JARID2: variants seen among roughly 807,000 people sequenced by gnomAD.
JARID2 encodes protein Jumonji.
In JARID2, 21 loss-of-function variants were observed where a neutral mutation model predicts 125.6. The observed-to-expected ratio is 0.17, with a 90% CI of 0.12 to 0.24. JARID2 has a LOEUF of 0.24. Ranked by LOEUF, JARID2 falls within the 10% of genes least tolerant of loss-of-function variation. The probability of loss-of-function intolerance (pLI) is 1.00; values close to 1 mark genes in which losing one functional copy is unlikely to be tolerated. For synonymous variants in JARID2, 736 were observed against 661.6 expected, an observed-to-expected ratio of 1.11 and a Z score of -1.73; for missense variants, 1,303 against 1,639.6, an observed-to-expected ratio of 0.79 and a Z score of 3.55.
intron 1 of JARID2, among the ~76,000 whole-genome samples, chr6:15,257,598 T>G (rs1470860581): frequency 6.6e-6 from 1 of 152,224 alleles, no homozygotes; most frequent in Non-Finnish European, 1.5e-5. Context: ...TGCACGTGTC[T>G]GTTTGCACTC....
chr6:15,281,036 G>A (rs1374756128), intron 1 of JARID2, among the ~76,000 whole-genome samples: 2 of 152,158 alleles, frequency 1.3e-5, no homozygotes, highest in Non-Finnish European at 2.9e-5. Context: ...ACACCGTGCC[G>A]TCATATGAGT....
chr6:15,502,789 C>T (rs1426015378), intron 8 of JARID2, among the ~76,000 whole-genome samples: 1 of 152,192 alleles, frequency 6.6e-6, no homozygotes, highest in Non-Finnish European at 1.5e-5. Flanking sequence ...GTCTGCTCTC[C>T]CATTGCCCAA....
intron 2 of JARID2, among the ~76,000 whole-genome samples, chr6:15,394,767 A>G (rs1178109515): frequency 6.6e-6 from 1 of 152,218 alleles, no homozygotes; most frequent in African/African-American, 2.4e-5. Flanking sequence ...AAAAGGGAAC[A>G]GCATGTGCAA....
At chr6:15,412,281 G>A (rs1765910354) in intron 3 of JARID2, among the ~76,000 whole-genome samples, 1 of 152,124 alleles carries the variant, frequency 6.6e-6, no homozygotes, top group African/African-American at 2.4e-5. Context: ...CTTCAAATGT[G>A]TAGTGTCATT....
intron 4 of JARID2, among the ~76,000 whole-genome samples, chr6:15,462,349 A>C (rs1413795978): frequency 6.6e-6 from 1 of 152,210 alleles, no homozygotes; most frequent in Non-Finnish European, 1.5e-5. Context: ...TTTGTCCCAA[A>C]GTCTTTTAGG....
chr6:15,434,480 A>C (rs1205203264), intron 3 of JARID2, among the ~76,000 whole-genome samples: 1 of 152,184 alleles, frequency 6.6e-6, no homozygotes, highest in African/African-American at 2.4e-5. Context: ...TATTTTAACC[A>C]CTGTGAAATG....
chr6:15,407,489 C>T (rs762573171), intron 2 of JARID2, among the ~76,000 whole-genome samples: 1 of 152,154 alleles, frequency 6.6e-6, no homozygotes, highest in Non-Finnish European at 1.5e-5. Flanking sequence ...ATCATTTGTT[C>T]ATTCTTTCAT....
chr6:15,265,642 C>G (rs777358220), intron 1 of JARID2, among the ~76,000 whole-genome samples: 1 of 152,152 alleles, frequency 6.6e-6, no homozygotes, highest in Non-Finnish European at 1.5e-5. Flanking sequence ...CCCCATTGGA[C>G]AGGTCACTTT....
At chr6:15,253,403 A>G (rs1006306450) in intron 1 of JARID2, among the ~76,000 whole-genome samples, 2 of 152,094 alleles carry the variant, frequency 1.3e-5, no homozygotes, top group African/African-American at 2.4e-5. Context: ...TCAGAATAAA[A>G]TTATCGAAAG....
At chr6:15,454,556 C>G (rs1768067248) in intron 4 of JARID2, among the ~76,000 whole-genome samples, 3 of 152,218 alleles carry the variant, frequency 2.0e-5, no homozygotes, top group Admixed American at 1.3e-4. Context: ...TGGCTCTAAG[C>G]AGCCTCGACC....
chr6:15,392,436 C>A (rs978835137), intron 2 of JARID2, among the ~76,000 whole-genome samples: 1 of 152,076 alleles, frequency 6.6e-6, no homozygotes, highest in Non-Finnish European at 1.5e-5. Context: ...CACCTTCTGT[C>A]CGACTTGCCC....
chr6:15,252,688 T>G (rs1759501988), intron 1 of JARID2, among the ~76,000 whole-genome samples: 1 of 152,252 alleles, frequency 6.6e-6, no homozygotes, highest in South Asian at 2.1e-4. Context: ...TTTTAAATCC[T>G]TAAGCCTTAC....
At chr6:15,247,423 CTTTTTTTTTT>C in intron 1 of JARID2, 1 of 879,456 alleles carries the variant, frequency 1.1e-6, no homozygotes, top group Non-Finnish European at 1.3e-6. Context: ...TGTGTGGTGG[CTTTTTTTTTT>C]TTTTAAGTTT....
At chr6:15,422,955 T>C (rs1163990097) in intron 3 of JARID2, among the ~76,000 whole-genome samples, 1 of 151,858 alleles carries the variant, frequency 6.6e-6, no homozygotes, top group African/African-American at 2.4e-5. Flanking sequence ...TACTTGACTA[T>C]GCTATCAAGG....
chr6:15,283,126 C>T (rs573771124), intron 1 of JARID2, among the ~76,000 whole-genome samples: 6 of 138,338 alleles, frequency 4.3e-5, no homozygotes, highest in Admixed American at 7.3e-5. Context: ...CTACAGGCGC[C>T]CGCCACCACG....
intron 1 of JARID2, among the ~76,000 whole-genome samples, chr6:15,287,532 A>C (rs1761049891): frequency 6.6e-6 from 1 of 152,182 alleles, no homozygotes; most frequent in African/African-American, 2.4e-5. Flanking sequence ...ACAGAATTAC[A>C]TTTTTGGTGT....
intron 1 of JARID2, among the ~76,000 whole-genome samples, chr6:15,297,675 C>G (rs1761463675): frequency 6.6e-6 from 1 of 152,054 alleles, no homozygotes; most frequent in African/African-American, 2.4e-5. Flanking sequence ...TTGGCCCCTA[C>G]TCAGTGGGGT....
intron 11 of JARID2, 35 bp downstream of exon 11, chr6:15,507,451 T>A: frequency 6.3e-7 from 1 of 1,584,038 alleles, no homozygotes; most frequent in African/African-American, 1.3e-5. Context: ...CTGTGGCAGC[T>A]GTGTCCATGA....
intron 3 of JARID2, among the ~76,000 whole-genome samples, chr6:15,413,008 G>A (rs9476825): frequency 2.1e-5 from 1 of 47,474 alleles, no homozygotes; most frequent in Non-Finnish European, 3.7e-5. Context: ...TTGTGTTTTT[G>A]TTTTTTTTTT....
Sources: allele counts gnomAD v4.1 joint callset (sites outside exome capture counted in the v4.1 genomes callset), GRCh38; gene constraint gnomAD v4.1.1; transcripts MANE v1.5; gene names NCBI Gene and HGNC (gene_info 2026-07-23, HGNC 2026-07-21).